C10orf90: variants seen among roughly 807,000 people sequenced by gnomAD.
C10orf90 encodes (E2-independent) E3 ubiquitin-conjugating enzyme FATS.
A neutral mutation model predicts 62.5 loss-of-function variants in C10orf90; 56 were observed. The observed-to-expected ratio is 0.90, with a 90% CI of 0.72 to 1.12. The LOEUF is 1.12. Among genes scored for constraint, C10orf90 ranks in the 50% most tolerant of loss-of-function variants. The probability of loss-of-function intolerance (pLI) is 0.00; values close to 1 mark genes in which losing one functional copy is unlikely to be tolerated. For missense variants in C10orf90, 970 were observed against 880.4 expected, an observed-to-expected ratio of 1.10 and a Z score of -1.29; for synonymous variants, 386 against 340.4, an observed-to-expected ratio of 1.13 and a Z score of -1.47.
intron 2 of C10orf90, among the ~76,000 whole-genome samples, chr10:126,559,166 C>A (rs553564767): frequency 1.4e-4 from 21 of 152,350 alleles, no homozygotes; most frequent in Non-Finnish European, 2.4e-4. Flanking sequence ...TCCTCATAGG[C>A]CAATGCCTAT....
intron 2 of C10orf90, among the ~76,000 whole-genome samples, chr10:126,607,838 T>A: frequency 6.6e-6 from 1 of 152,264 alleles, no homozygotes; most frequent in African/African-American, 2.4e-5. Context: ...CTCATAACTT[T>A]TAAGAAAGTA....
chr10:126,558,320 A>G (rs527574099), intron 2 of C10orf90, among the ~76,000 whole-genome samples: 85 of 152,212 alleles, frequency 5.6e-4, no homozygotes, highest in African/African-American at 1.8e-3. Context: ...CACTTTAAAA[A>G]TCCTTCAGTG....
At chr10:126,592,865 A>C (rs1198012665) in intron 2 of C10orf90, among the ~76,000 whole-genome samples, 2 of 152,210 alleles carry the variant, frequency 1.3e-5, no homozygotes, top group African/African-American at 4.8e-5. Flanking sequence ...AACCCCATTA[A>C]AAGTAGGCAA....
At position 126,504,897 on chromosome 10, in the gene C10orf90, C is replaced by T. The variant is rs1310759266; in HGVS notation, c.594G>A (p.Ala198=). The change falls in exon 4 of 10, where the codon GCG becomes GCA. Residue 198 remains alanine, a synonymous_variant. Coordinates refer to ENST00000488181, the MANE Select transcript of C10orf90 (RefSeq NM_001350921.2). This position sits in a 1 kb window ranked among gnomAD's most constrained non-coding sequence, Gnocchi z 4.1. ...GGATTCCTAATCTGCCCGGAAGTAA[C>T]GCAAATGCTCTGTGAATGTTGACTC... is the stretch of plus-strand genomic sequence containing the variant. The part of the protein sequence containing the change: ...RSGVNIHRAF[A]LLPGRLGIPA... 5 of 1,614,144 alleles carry T rather than the reference C, an allele frequency of 3.1e-6. No homozygotes were observed. The South Asian group carries it at 3.3e-5, about 11-fold the overall frequency.
intron 2 of C10orf90, among the ~76,000 whole-genome samples, chr10:126,537,503 G>C (rs1365506735): frequency 1.3e-5 from 2 of 152,202 alleles, no homozygotes; most frequent in Admixed American, 1.3e-4. Flanking sequence ...GCTGCCCGGG[G>C]AGTCCTCTCT....
intron 2 of C10orf90, among the ~76,000 whole-genome samples, chr10:126,601,686 A>C (rs76680603): frequency 6.6e-6 from 1 of 152,254 alleles, no homozygotes; most frequent in Non-Finnish European, 1.5e-5. Context: ...AGGCTGACTA[A>C]AGTTTCATGC....
chr10:126,583,788 G>A (rs1844801823), intron 2 of C10orf90, among the ~76,000 whole-genome samples: 1 of 152,242 alleles, frequency 6.6e-6, no homozygotes, highest in Non-Finnish European at 1.5e-5. Flanking sequence ...GTGCCAAATG[G>A]CCTAGCTGAA....
chr10:126,605,894 T>TACAC (rs1845300238), intron 2 of C10orf90, among the ~76,000 whole-genome samples: 2 of 151,960 alleles, frequency 1.3e-5, no homozygotes, highest in Admixed American at 1.3e-4. Context: ...CATACATACA[T>TACAC]ACATACATAC....
At chr10:126,493,495 G>A (rs1285898468) in intron 4 of C10orf90, among the ~76,000 whole-genome samples, 1 of 151,946 alleles carries the variant, frequency 6.6e-6, no homozygotes, top group Non-Finnish European at 1.5e-5. Flanking sequence ...CAAGTAGCTG[G>A]GATTACAGGT....
At chr10:126,530,689 G>T (rs1191277296) in intron 2 of C10orf90, among the ~76,000 whole-genome samples, 4 of 152,032 alleles carry the variant, frequency 2.6e-5, no homozygotes, top group African/African-American at 9.7e-5. Context: ...ACCAAACCGA[G>T]CCCAGGCAGC....
intron 2 of C10orf90, among the ~76,000 whole-genome samples, chr10:126,645,775 A>G (rs564802160): frequency 9.2e-5 from 14 of 152,290 alleles, no homozygotes; most frequent in Non-Finnish European, 2.1e-4. Flanking sequence ...AAATGTGTCT[A>G]TGTGTGCGTA....
At chr10:126,521,456 C>T in intron 2 of C10orf90, 1 of 1,501,656 alleles carries the variant, frequency 6.7e-7, no homozygotes, top group Non-Finnish European at 8.8e-7. Flanking sequence ...CAGGCTTCCA[C>T]CTTCCAGCCT....
intron 7 of C10orf90, among the ~76,000 whole-genome samples, chr10:126,445,906 C>T (rs1858746911): frequency 6.6e-6 from 1 of 151,238 alleles, no homozygotes; most frequent in Non-Finnish European, 1.5e-5. Flanking sequence ...GAGACTAATA[C>T]TGTAACTGAA....
intron 7 of C10orf90, among the ~76,000 whole-genome samples, chr10:126,454,620 C>T (rs543007238): frequency 2.7e-4 from 41 of 151,738 alleles, no homozygotes; most frequent in Admixed American, 1.7e-3. Context: ...CTCCCACCTG[C>T]GGGGACTATA....
In C10orf90 at chr10:126,425,975, G is replaced by A. The variant is rs1043882905; in HGVS notation, c.2352+16C>T. 6.2e-7 allele frequency: 1 copy of A among 1,613,864 alleles called. No individual in the cohort carries two copies. The highest frequency in any genetic ancestry group is 8.5e-7 in the Non-Finnish European group (1 of 1,179,730). On this transcript the variant is annotated intron_variant, in intron 9 of 9. Transcript: ENST00000488181. ...TGCACCACACACATCACACCTGCTGGTGACGAGGCCATTACCTTTTTGAAG... is the reference window on the plus strand; with the variant it reads ...TGCACCACACACATCACACCTGCTGATGACGAGGCCATTACCTTTTTGAAG...
intron 2 of C10orf90, among the ~76,000 whole-genome samples, chr10:126,564,939 A>ATATATAT (rs1491199972): frequency 1.4e-3 from 12 of 8,400 alleles, no homozygotes; most frequent in African/African-American, 4.1e-3. Flanking sequence ...AAAATATAAA[A>ATATATAT]TATATATAAT....
intron 7 of C10orf90, among the ~76,000 whole-genome samples, chr10:126,439,381 T>A (rs1858151855): frequency 6.6e-6 from 1 of 152,162 alleles, no homozygotes; most frequent in Non-Finnish European, 1.5e-5. Flanking sequence ...TGTGCAGACA[T>A]CATTGCAAGG....
chr10:126,621,604 G>A (rs556787076), intron 2 of C10orf90, among the ~76,000 whole-genome samples: 1 of 152,224 alleles, frequency 6.6e-6, no homozygotes, highest in East Asian at 1.9e-4. Flanking sequence ...ATTAATAAAT[G>A]TTGATTGTTT....
At chr10:126,524,917 A>G (rs564983132) in intron 2 of C10orf90, 11 of 819,640 alleles carry the variant, frequency 1.3e-5, no homozygotes, top group Non-Finnish European at 1.6e-5. Context: ...AAGCTCACTG[A>G]ACAAGCATCA....
Sources: allele counts gnomAD v4.1 joint callset (sites outside exome capture counted in the v4.1 genomes callset), GRCh38; gene constraint gnomAD v4.1.1; non-coding constraint Gnocchi (gnomAD v3.1); transcripts MANE v1.5; gene names NCBI Gene and HGNC (gene_info 2026-07-23, HGNC 2026-07-21).